Variants in ATRN observed in about 807,000 individuals in gnomAD.
ATRN encodes the protein attractin.
In ATRN, 54 loss-of-function variants were observed where a neutral mutation model predicts 178.7. That is an observed-to-expected ratio of 0.30 (90% CI 0.24 to 0.38). The LOEUF (loss-of-function observed/expected upper bound fraction) is 0.38, where lower values mean the gene tolerates loss of function less well. Ranked by LOEUF, ATRN falls within the 10% of genes least tolerant of loss-of-function variation. The pLI is 1.00. For synonymous variants in ATRN, 636 were observed against 663.0 expected (o/e 0.96, Z 0.63); for missense variants, 1,443 against 1,815.1 (o/e 0.79, Z 3.73).
rs1229001451 is a variant in ATRN at position 3,576,675 on chromosome 20, A to ATCTGTCTGTCTG, written c.2215-181_2215-180insGTCTGTCTGTCT. Among the ~76,000 whole-genome samples, 13 of 58,606 alleles carry ATCTGTCTGTCTG rather than the reference A, an allele frequency of 2.2e-4. No individual in the cohort carries two copies. In the South Asian group the frequency reaches 4.7e-3, roughly 21 times the overall value. The allele number at this position is 58,606 out of a possible 152,430, so 38.4% of individuals were successfully genotyped here. A position where few individuals can be genotyped will look rare whatever the true frequency, so the allele number is the denominator to read the frequency against. ...ACTGCAGAGCTACTGCAACTTATCTATCTATCTGTCTGTCTGTCTGTCTAT... is the reference window on the plus strand; with the variant it reads ...ACTGCAGAGCTACTGCAACTTATCTATCTGTCTGTCTGTCTATCTGTCTGTCTGTCTGTCTAT... On this transcript the variant is annotated intron_variant, in intron 13 of 28. Transcript: ENST00000262919.
chr20:3,539,302 G>A (rs1021574677), intron 2 of ATRN, among the ~76,000 whole-genome samples: 4 of 152,168 alleles, frequency 2.6e-5, no homozygotes, highest in African/African-American at 9.7e-5. Context: ...AGTCTTCTGC[G>A]AAGTTTTACC....
At chr20:3,583,806 CA>C (rs368165282) in intron 16 of ATRN, 91 bp from the exon 17 acceptor site, 64,661 of 962,834 alleles carry the variant, frequency 0.067, no homozygotes, top group South Asian at 0.1. Flanking sequence ...GACTCCGTCT[CA>C]AAAAAAAAAA....
intron 11 of ATRN, among the ~76,000 whole-genome samples, chr20:3,570,124 A>T (rs2086099379): frequency 7.8e-6 from 1 of 128,066 alleles, no homozygotes; most frequent in Non-Finnish European, 1.6e-5. Context: ...TTCAGTGTTT[A>T]CATCTCCTAA....
intron 18 of ATRN, among the ~76,000 whole-genome samples, chr20:3,588,251 C>T (rs1000714894): frequency 6.6e-6 from 1 of 152,160 alleles, no homozygotes; most frequent in Non-Finnish European, 1.5e-5. Context: ...TTTCAGTGTA[C>T]ATCATTGTCT....
chr20:3,480,690 G>A (rs2084607034), intron 1 of ATRN, among the ~76,000 whole-genome samples: 1 of 152,146 alleles, frequency 6.6e-6, no homozygotes, highest in African/African-American at 2.4e-5. Context: ...TCGATGAAAG[G>A]TTCCCAAGAT....
chr20:3,524,064 C>T (rs1568706069), intron 1 of ATRN, among the ~76,000 whole-genome samples: 1 of 152,048 alleles, frequency 6.6e-6, no homozygotes. Flanking sequence ...TCACACATAA[C>T]AATATTAGCC....
At chr20:3,599,980 C>T (rs897898372) in intron 22 of ATRN, among the ~76,000 whole-genome samples, 7 of 152,112 alleles carry the variant, frequency 4.6e-5, no homozygotes, top group Non-Finnish European at 1.0e-4. Context: ...ATGATCAAAA[C>T]AACACCCTTA....
At chr20:3,607,104 A>G (rs889138900) in intron 24 of ATRN, among the ~76,000 whole-genome samples, 1 of 151,810 alleles carries the variant, frequency 6.6e-6, no homozygotes, top group Non-Finnish European at 1.5e-5. Context: ...TGTATTTTTA[A>G]TTTTACTTTT....
intron 11 of ATRN, among the ~76,000 whole-genome samples, chr20:3,572,486 T>C (rs1222557811): frequency 2.0e-5 from 3 of 152,138 alleles, no homozygotes; most frequent in Admixed American, 6.5e-5. Flanking sequence ...AGAAGACTTA[T>C]GATATGTAAG....
At chr20:3,618,878 G>C (rs2086873420) in intron 24 of ATRN, among the ~76,000 whole-genome samples, 1 of 152,198 alleles carries the variant, frequency 6.6e-6, no homozygotes, top group Non-Finnish European at 1.5e-5. Flanking sequence ...AGGAAGAGTT[G>C]TTTTATGTCA....
At chr20:3,530,044 A>T (rs1180504017) in intron 1 of ATRN, among the ~76,000 whole-genome samples, 1 of 151,672 alleles carries the variant, frequency 6.6e-6, no homozygotes, top group African/African-American at 2.4e-5. Flanking sequence ...CAATAATTAT[A>T]ATAATATTAG....
chr20:3,515,268 T>TG (rs150984760), intron 1 of ATRN, among the ~76,000 whole-genome samples: 40,497 of 151,966 alleles, frequency 0.27, 5,905 homozygotes, highest in African/African-American at 0.33. Context: ...GTGTTACCAT[T>TG]CTAGAGATGA....
Position 3,519,432 on chromosome 20 carries a change from A to T in ATRN, c.411-15821A>T, listed in dbSNP as rs576240079. ...TAACTTTCTGGAGCTGAAATCTATGATTTCCTCATTAAACAATTCAGTACA... is the reference window on the plus strand; with the variant it reads ...TAACTTTCTGGAGCTGAAATCTATGTTTTCCTCATTAAACAATTCAGTACA... On this transcript the variant is annotated intron_variant, in intron 1 of 28. Transcript: ENST00000262919. Among the ~76,000 whole-genome samples, 5 of 152,308 alleles carry T rather than the reference A, an allele frequency of 3.3e-5. No individual in the cohort carries two copies. The South Asian group carries it at 1.0e-3, about 32-fold the overall frequency.
intron 27 of ATRN, among the ~76,000 whole-genome samples, chr20:3,641,507 T>A (rs2087067375): frequency 7.1e-6 from 1 of 140,638 alleles, no homozygotes; most frequent in African/African-American, 2.8e-5. Flanking sequence ...ATGAGAATCA[T>A]TTGAACCTAG....
rs1036919887 is a variant in ATRN, at chr20:3,493,821, G to A, written c.410+22304G>A. ...TCATGGATACACACGAGATTGTTCT[G>A]GACTTCCTTTATAGTAAACTTTGCT... is the stretch of plus-strand genomic sequence containing the variant. On this transcript the variant is annotated intron_variant, in intron 1 of 28. Coordinates refer to ENST00000262919, the MANE Select transcript of ATRN (RefSeq NM_139321.3). Among the ~76,000 whole-genome samples, 6 of 152,110 alleles carry A rather than the reference G, an allele frequency of 3.9e-5. No homozygotes were observed. In the South Asian group the frequency reaches 1.0e-3, roughly 26 times the overall value.
In ATRN at chr20:3,650,950, A is replaced by G. The variant is rs2087142542; in HGVS notation, c.*4103A>G. The G allele has an allele frequency of 6.6e-6, 1 of 152,634 alleles. No homozygotes were observed. 9.5% of individuals were successfully genotyped at this position (152,634 alleles called of 1,614,324 possible). A position where few individuals can be genotyped will look rare whatever the true frequency, so the allele number is the denominator to read the frequency against. On this transcript the variant is annotated 3_prime_UTR_variant, in exon 29 of 29. Transcript: ENST00000262919. ...GTGTTATACATACATTTAGGACTGC[A>G]ATTTTTTGGTATTTTTTGTATTGTA...
intron 1 of ATRN, among the ~76,000 whole-genome samples, chr20:3,519,391 T>C (rs2085256816): frequency 6.6e-6 from 1 of 152,204 alleles, no homozygotes; most frequent in African/African-American, 2.4e-5. Flanking sequence ...GAGTTAAATG[T>C]ACTTTTTCAA....
At chr20:3,480,328 T>C (rs1372025862) in intron 1 of ATRN, among the ~76,000 whole-genome samples, 1 of 152,220 alleles carries the variant, frequency 6.6e-6, no homozygotes, top group Non-Finnish European at 1.5e-5. Flanking sequence ...GAAGGACATG[T>C]GTTGCCTTCT....
At chr20:3,614,379 C>T (rs1010426077) in intron 24 of ATRN, among the ~76,000 whole-genome samples, 3 of 152,140 alleles carry the variant, frequency 2.0e-5, no homozygotes, top group Non-Finnish European at 2.9e-5. Context: ...GGCTCTGGCT[C>T]GTTCCCGACT....
Sources: gnomAD v4.1 joint callset for allele counts (sites outside exome capture counted in the v4.1 genomes callset) on GRCh38, gnomAD v4.1.1 for gene constraint, MANE v1.5 for transcripts, NCBI Gene and HGNC (gene_info 2026-07-23, HGNC 2026-07-21) for gene names.